Variants in FAT3 observed in about 807,000 individuals in gnomAD.
FAT3 encodes the protein protocadherin Fat 3.
Under a neutral mutation model 310.2 loss-of-function variants are expected in FAT3, and 95 were observed. The ratio of observed to expected loss-of-function variants is 0.31; its 90% confidence interval spans 0.26 to 0.36. The LOEUF is 0.36. Ranked by LOEUF, FAT3 falls within the 10% of genes least tolerant of loss-of-function variation. The pLI is 1.00. For missense variants in FAT3, 5,408 were observed against 5,715.6 expected, an observed-to-expected ratio of 0.95 and a Z score of 1.74; for synonymous variants, 2,314 against 2,192.9, an observed-to-expected ratio of 1.06 and a Z score of -1.54.
chr11:92,753,335 G>A (rs545021318), intron 4 of FAT3, among the ~76,000 whole-genome samples: 28 of 152,126 alleles, frequency 1.8e-4, no homozygotes, highest in Non-Finnish European at 3.1e-4. Context: ...AATAAGAACC[G>A]CCCCCATTCA....
In FAT3 at chr11:92,800,872, C is replaced by T; in HGVS notation, c.7859C>T (p.Thr2620Ile). 2.5e-6 allele frequency: 4 copies of T among 1,613,328 alleles called. No individual in the cohort carries two copies. In the South Asian group the frequency reaches 4.4e-5, roughly 18 times the overall value. The change falls in exon 10 of 28, where the codon ACT (threonine) becomes ATT (isoleucine). Residue 2620 changes from threonine (T) to isoleucine (I), a missense_variant. This residue lies in a region of FAT3 where 4,588 missense variants were observed against 4,809.8 expected (regional missense o/e 0.95). Coordinates refer to ENST00000525166, the MANE Select transcript of FAT3 (RefSeq NM_001367949.2). Reference protein sequence around the residue: ...RADVGRGHLVTQVQAIDPDDG... With the variant: ...RADVGRGHLVIQVQAIDPDDG... Reference sequence around the variant, plus strand: ...GATGTTGGAAGGGGCCACTTGGTCACTCAAGTTCAAGCCATAGATCCCGAT... The same window carrying T: ...GATGTTGGAAGGGGCCACTTGGTCATTCAAGTTCAAGCCATAGATCCCGAT...
chr11:92,502,944 G>A (rs1166230191), intron 2 of FAT3, among the ~76,000 whole-genome samples: 2 of 152,008 alleles, frequency 1.3e-5, no homozygotes, highest in Non-Finnish European at 2.9e-5. Flanking sequence ...TTCTAAAATG[G>A]GTTTAATATA....
At chr11:92,507,534 CACAT>C (rs754364255) in intron 2 of FAT3, among the ~76,000 whole-genome samples, 5 of 151,512 alleles carry the variant, frequency 3.3e-5, no homozygotes, top group African/African-American at 4.9e-5. Flanking sequence ...TATATATACA[CACAT>C]ACATATATAG....
chr11:92,438,086 A>C (rs905440571), intron 2 of FAT3, among the ~76,000 whole-genome samples: 2 of 152,194 alleles, frequency 1.3e-5, no homozygotes, highest in Non-Finnish European at 2.9e-5. Context: ...GATTTTAGAA[A>C]ACTTTGCAGA....
intron 24 of FAT3, chr11:92,886,716 C>T: frequency 5.2e-6 from 2 of 382,848 alleles, no homozygotes; most frequent in Admixed American, 8.4e-5. Context: ...TCACTCTTCA[C>T]TCAGTTGCTT....
intron 19 of FAT3, among the ~76,000 whole-genome samples, chr11:92,850,977 G>A (rs1345819407): frequency 6.6e-6 from 1 of 152,202 alleles, no homozygotes; most frequent in East Asian, 1.9e-4. Flanking sequence ...AAAATCAGGA[G>A]GTGGAAAACC....
intron 3 of FAT3, among the ~76,000 whole-genome samples, chr11:92,633,596 A>G (rs1314949410): frequency 2.0e-5 from 3 of 152,158 alleles, no homozygotes; most frequent in Non-Finnish European, 2.9e-5. Flanking sequence ...ATTTTTTAGC[A>G]TATGGATGAC....
intron 3 of FAT3, among the ~76,000 whole-genome samples, chr11:92,621,821 T>G (rs552906): frequency 0.56 from 85,317 of 152,042 alleles, 25,356 homozygotes; most frequent in African/African-American, 0.76. Context: ...TCAATGAATA[T>G]TCACAGTGTT....
chr11:92,777,624 A>T (rs1386321900), intron 7 of FAT3, among the ~76,000 whole-genome samples: 1 of 152,144 alleles, frequency 6.6e-6, no homozygotes, highest in African/African-American at 2.4e-5. Context: ...TTATAATACA[A>T]TGTTAGTATT....
chr11:92,711,161 T>A (rs1393489398), intron 4 of FAT3, among the ~76,000 whole-genome samples: 2 of 152,214 alleles, frequency 1.3e-5, no homozygotes, highest in African/African-American at 2.4e-5. Flanking sequence ...TCTTTTACAT[T>A]TATGTATATA....
At position 92,585,217 on chromosome 11, in the gene FAT3, GATA is replaced by G. The variant is rs542886710; in HGVS notation, c.3607+60274_3607+60276del. Among the ~76,000 whole-genome samples, 15 of 152,152 alleles carry G rather than the reference GATA, an allele frequency of 9.9e-5. 1 individual carries two copies. In the South Asian group the frequency reaches 2.7e-3, roughly 27 times the overall value. On this transcript the variant is annotated intron_variant, in intron 3 of 27. Coordinates refer to ENST00000525166, the MANE Select transcript of FAT3 (RefSeq NM_001367949.2). ...ACAAGAAGGAGTTAGGGCTGGATATGATAATAAGTTTCATCTTCAATGTTTCAA... is the reference window on the plus strand; with the variant it reads ...ACAAGAAGGAGTTAGGGCTGGATATGATAAGTTTCATCTTCAATGTTTCAA...
chr11:92,243,901 A>G (rs1157489066), intron 1 of FAT3, among the ~76,000 whole-genome samples: 1 of 152,122 alleles, frequency 6.6e-6, no homozygotes, highest in Non-Finnish European at 1.5e-5. Flanking sequence ...TACTCTTTGC[A>G]TATAACAATT....
chr11:92,568,030 T>G (rs2135493670), intron 3 of FAT3, among the ~76,000 whole-genome samples: 1 of 151,956 alleles, frequency 6.6e-6, no homozygotes, highest in East Asian at 1.9e-4. Context: ...ACCCTAAAAC[T>G]TAAAAGTATA....
chr11:92,605,375 G>T (rs1433520806), intron 3 of FAT3, among the ~76,000 whole-genome samples: 2 of 152,186 alleles, frequency 1.3e-5, no homozygotes, highest in African/African-American at 2.4e-5. Context: ...GTGTGATGGG[G>T]CCAATGGGCA....
rs116824555 is a variant in FAT3, at chr11:92,334,941, G to A, written c.-17-17155G>A. On this transcript the variant is annotated intron_variant, in intron 1 of 27. Transcript: ENST00000525166. ...CGTGTTCACCATTGATTATACCTGT[G>A]GAAATTCTTATCCAGAAGGGACTGG... is the stretch of plus-strand genomic sequence containing the variant. 3.9e-3 allele frequency among the ~76,000 whole-genome samples: 597 copies of A among 152,210 alleles called. 4 individuals carry two copies. Among genetic ancestry groups the A allele is most frequent in the African/African-American group, 0.014 (571 of 41,536 alleles).
chr11:92,631,226 C>T (rs1234997593), intron 3 of FAT3, among the ~76,000 whole-genome samples: 2 of 152,124 alleles, frequency 1.3e-5, no homozygotes, highest in Admixed American at 6.5e-5. Context: ...TCTCCCCTGA[C>T]CCATTCAGGT....
At chr11:92,340,246 G>A (rs1002241118) in intron 1 of FAT3, among the ~76,000 whole-genome samples, 1 of 152,020 alleles carries the variant, frequency 6.6e-6, no homozygotes, top group Non-Finnish European at 1.5e-5. Context: ...GCTAGGATTT[G>A]TGTAGGTTTC....
chr11:92,249,166 T>C (rs80220593), intron 1 of FAT3, among the ~76,000 whole-genome samples: 2,181 of 152,210 alleles, frequency 0.014, 55 homozygotes, highest in African/African-American at 0.049. Context: ...GTTTTGTTCA[T>C]GAAATATGGT....
chr11:92,463,013 C>T (rs1248721838), intron 2 of FAT3, among the ~76,000 whole-genome samples: 1 of 152,196 alleles, frequency 6.6e-6, no homozygotes, highest in Non-Finnish European at 1.5e-5. Flanking sequence ...TGCAAAGAAA[C>T]AAGATGCACA....
Sources: allele counts gnomAD v4.1 joint callset (sites outside exome capture counted in the v4.1 genomes callset), GRCh38; gene constraint gnomAD v4.1.1; regional missense constraint gnomAD v4.1.1; transcripts MANE v1.5; gene names NCBI Gene and HGNC (gene_info 2026-07-23, HGNC 2026-07-21).